The following ADGB variants were observed in gnomAD, a reference collection of about 807,000 sequenced individuals.
ADGB encodes the protein calpain-7-like protein.
ADGB carries 172 observed loss-of-function variants against 210.5 expected under a neutral mutation model. That is an observed-to-expected ratio of 0.82 (90% confidence interval 0.72 to 0.93). The LOEUF is 0.93. Among genes scored for constraint, ADGB ranks in the 40% least tolerant of loss-of-function variants. The pLI is 0.00. For synonymous variants in ADGB, 658 were observed against 662.7 expected (o/e 0.99, Z 0.11); for missense variants, 2,025 against 1,964.8 (o/e 1.03, Z -0.58).
intron 2 of ADGB, among the ~76,000 whole-genome samples, chr6:146,636,009 C>G (rs1353729797): frequency 6.6e-6 from 1 of 152,044 alleles, no homozygotes; most frequent in South Asian, 2.1e-4. Flanking sequence ...TAAAGATCCT[C>G]ACTGCTCTTC....
intron 7 of ADGB, 81 bp from the exon 8 acceptor site, chr6:146,672,139 T>C (rs1029744263): frequency 2.8e-6 from 4 of 1,420,630 alleles, no homozygotes; most frequent in Non-Finnish European, 3.7e-6. Flanking sequence ...CAAGTTGATT[T>C]TTCTGTCAGT....
At chr6:146,641,080 CA>C (rs1212081572) in intron 2 of ADGB, among the ~76,000 whole-genome samples, 1 of 151,848 alleles carries the variant, frequency 6.6e-6, no homozygotes, top group Non-Finnish European at 1.5e-5. Flanking sequence ...GATACAAATT[CA>C]ATGTATAAAA....
chr6:146,717,649 G>A, intron 16 of ADGB, 50 bp downstream of exon 16: 2 of 922,548 alleles, frequency 2.2e-6, no homozygotes, highest in Non-Finnish European at 3.1e-6. Flanking sequence ...TGGTAGAATT[G>A]CACCCGTAGA....
At chr6:146,756,129 C>A (rs1777403531) in intron 27 of ADGB, among the ~76,000 whole-genome samples, 1 of 152,074 alleles carries the variant, frequency 6.6e-6, no homozygotes, top group African/African-American at 2.4e-5. Context: ...TCATCTTACA[C>A]AGGCTTCAGT....
At chr6:146,785,056 C>T (rs963421305) in intron 31 of ADGB, among the ~76,000 whole-genome samples, 2 of 152,160 alleles carry the variant, frequency 1.3e-5, no homozygotes, top group Admixed American at 1.3e-4. Flanking sequence ...TTACCTCATT[C>T]TTTCACATAG....
At chr6:146,806,663 A>G (rs1019125310) in intron 35 of ADGB, among the ~76,000 whole-genome samples, 2 of 152,250 alleles carry the variant, frequency 1.3e-5, no homozygotes, top group Non-Finnish European at 2.9e-5. Context: ...TTTTCAGGCT[A>G]GCATCTCTGC....
At chr6:146,736,325 A>G (rs1273631648) in intron 22 of ADGB, among the ~76,000 whole-genome samples, 173 bp from the exon 23 acceptor site, 1 of 152,204 alleles carries the variant, frequency 6.6e-6, no homozygotes, top group African/African-American at 2.4e-5. Context: ...GCTCTTGACT[A>G]GAAGTTTGTA....
At position 146,804,705 on chromosome 6, in the gene ADGB, C is replaced by T. The variant is rs564154142; in HGVS notation, c.4818+2694C>T. On this transcript the variant is annotated intron_variant, in intron 35 of 35. Coordinates refer to ENST00000397944, the MANE Select transcript of ADGB (RefSeq NM_024694.4). ...GGATTGCTATAGCCCAGTTACTGAT[C>T]TAACTGCTTCCATCTTTGCCCCTCC... 8.5e-5 allele frequency among the ~76,000 whole-genome samples: 13 copies of T among 152,330 alleles called. No individual in the cohort carries two copies. The South Asian group carries it at 2.7e-3, about 32-fold the overall frequency.
At chr6:146,626,505 C>A (rs1032286596) in intron 1 of ADGB, among the ~76,000 whole-genome samples, 1 of 151,596 alleles carries the variant, frequency 6.6e-6, no homozygotes, top group African/African-American at 2.4e-5. Context: ...CACTTATGTC[C>A]CTTTTACTTT....
At chr6:146,637,569 A>G (rs919724125) in intron 2 of ADGB, among the ~76,000 whole-genome samples, 1 of 151,990 alleles carries the variant, frequency 6.6e-6, no homozygotes, top group Non-Finnish European at 1.5e-5. Context: ...TTTTTTAGAC[A>G]GTGCACCAGA....
At chr6:146,638,610 G>GAGGT in intron 2 of ADGB, among the ~76,000 whole-genome samples, 1 of 52,828 alleles carries the variant, frequency 1.9e-5, no homozygotes, top group Non-Finnish European at 5.3e-5. Context: ...GTTGTGGGGT[G>GAGGT]GGGGGGGGGG....
At position 146,713,895 on chromosome 6, in the gene ADGB, C is replaced by T. The variant is rs571416114; in HGVS notation, c.1708-1487C>T. ...TTTGTAGTTTGTCTCTGTCTGTATC[C>T]GCTTCAGTGCCTAAAGCTTGTATTG... On this transcript the variant is annotated intron_variant, in intron 13 of 35. Coordinates refer to ENST00000397944, the MANE Select transcript of ADGB (RefSeq NM_024694.4). 1.3e-3 allele frequency among the ~76,000 whole-genome samples: 205 copies of T among 152,114 alleles called. 1 individual carries two copies. Among genetic ancestry groups the T allele is most frequent in the Non-Finnish European group, 1.7e-3 (114 of 68,002 alleles).
chr6:146,738,513 G>C (rs191864845), intron 23 of ADGB, among the ~76,000 whole-genome samples: 4 of 136,786 alleles, frequency 2.9e-5, no homozygotes, highest in Non-Finnish European at 6.1e-5. Context: ...GCAGTGGCAC[G>C]ATCTGGGCTC....
At chr6:146,757,633 A>G (rs1009730958) in intron 27 of ADGB, among the ~76,000 whole-genome samples, 1 of 151,952 alleles carries the variant, frequency 6.6e-6, no homozygotes, top group Non-Finnish European at 1.5e-5. Context: ...AGTAAGATGC[A>G]CAAAGAAGTA....
At chr6:146,775,649 C>T (rs1306139479) in intron 29 of ADGB, among the ~76,000 whole-genome samples, 1 of 152,002 alleles carries the variant, frequency 6.6e-6, no homozygotes, top group Admixed American at 6.6e-5. Flanking sequence ...TTGTCATTCT[C>T]AAAAATATTT....
At chr6:146,650,445 T>C (rs1037229160) in intron 3 of ADGB, among the ~76,000 whole-genome samples, 1 of 151,758 alleles carries the variant, frequency 6.6e-6, no homozygotes, top group Non-Finnish European at 1.5e-5. Context: ...ACTTTTTTTA[T>C]TGGAATTTGC....
chr6:146,804,045 C>A (rs1778173805), intron 35 of ADGB, among the ~76,000 whole-genome samples: 1 of 152,146 alleles, frequency 6.6e-6, no homozygotes, highest in African/African-American at 2.4e-5. Context: ...ACCACTTCAA[C>A]TTTTTGCATC....
chr6:146,727,211 T>C (rs921419658), intron 19 of ADGB, among the ~76,000 whole-genome samples: 1 of 151,304 alleles, frequency 6.6e-6, no homozygotes, highest in Non-Finnish European at 1.5e-5. Context: ...AGCACAACCT[T>C]GTATTGATGG....
intron 35 of ADGB, among the ~76,000 whole-genome samples, chr6:146,813,057 T>TC (rs1778325507): frequency 6.6e-6 from 1 of 152,204 alleles, no homozygotes; most frequent in Admixed American, 6.5e-5. Flanking sequence ...TGGCCTGATT[T>TC]CCCAATGACC....
Sources: gnomAD v4.1 joint callset for allele counts (sites outside exome capture counted in the v4.1 genomes callset) on GRCh38, gnomAD v4.1.1 for gene constraint, MANE v1.5 for transcripts, NCBI Gene and HGNC (gene_info 2026-07-23, HGNC 2026-07-21) for gene names.